The following WDR5 variants were observed in gnomAD, a reference collection of about 807,000 sequenced individuals.
WDR5 encodes WD repeat domain 5, also known as WD repeat-containing protein 5.
For synonymous variants in WDR5, 144 were observed against 161.6 expected, an observed-to-expected ratio of 0.89 and a Z score of 0.83; for missense variants, 187 against 416.9, an observed-to-expected ratio of 0.45 and a Z score of 4.80.
intron 2 of WDR5, 59 bp from the exon 3 acceptor site, chr9:134,140,644 C>T (rs1831836955): frequency 3.5e-6 from 5 of 1,432,560 alleles, no homozygotes; most frequent in South Asian, 3.4e-5. Context: ...AAAATCCAAA[C>T]TGGTCACGGG....
At chr9:134,148,399 C>T in intron 8 of WDR5, 56 bp downstream of exon 8, 1 of 1,488,392 alleles carries the variant, frequency 6.7e-7, no homozygotes, top group Non-Finnish European at 9.3e-7. Context: ...AGGGCCAGCT[C>T]TTGCACTGTT....
intron 7 of WDR5, among the ~76,000 whole-genome samples, chr9:134,145,960 A>AT (rs1832175434): frequency 7.3e-6 from 1 of 136,552 alleles, no homozygotes; most frequent in Non-Finnish European, 1.6e-5. Flanking sequence ...TTGTTTTTTA[A>AT]TATTTATTTA....
chr9:134,155,632 G>GAATT, intron 11 of WDR5, 61 bp from the exon 12 acceptor site: 1 of 1,559,504 alleles, frequency 6.4e-7, no homozygotes, highest in Non-Finnish European at 8.8e-7. Flanking sequence ...TTAGAACGTA[G>GAATT]AATTACACAA....
intron 13 of WDR5, among the ~76,000 whole-genome samples, chr9:134,156,968 C>T (rs549577685): frequency 6.6e-5 from 10 of 152,324 alleles, no homozygotes; most frequent in Admixed American, 3.9e-4. Flanking sequence ...TGGCTCCTTT[C>T]GGGTACCTGT....
chr9:134,140,727 G>T lies in WDR5; in HGVS notation c.106G>T (p.Ala36Ser). The change falls in exon 3 of 14, where the codon GCT (alanine) becomes TCT (serine). Residue 36 changes from alanine to serine, a missense_variant. By Grantham distance (99) the Ala-to-Ser change is moderately conservative. Coordinates refer to ENST00000358625, the MANE Select transcript of WDR5 (RefSeq NM_017588.3). The part of the protein sequence containing the change: ...SKPTPVKPNY[A>S]LKFTLAGHTK... ...GCCTACACCTGTGAAGCCAAACTAT[G>T]CTCTAAAGTTCACCCTTGCTGGCCA... The T allele has an allele frequency of 6.2e-7, 1 of 1,614,194 alleles. No individual in the cohort carries two copies. Among genetic ancestry groups the T allele is most frequent in the Non-Finnish European group, 8.5e-7 (1 of 1,180,034 alleles).
intron 13 of WDR5, 124 bp downstream of exon 13, chr9:134,156,717 C>A: frequency 1.1e-6 from 1 of 904,964 alleles, no homozygotes; most frequent in Non-Finnish European, 1.7e-6. Flanking sequence ...CCTCCGCTGG[C>A]CCCGCTGAGG....
intron 12 of WDR5, among the ~76,000 whole-genome samples, 200 bp from the exon 13 acceptor site, chr9:134,156,306 G>A (rs765846120): frequency 1.2e-4 from 19 of 152,238 alleles, no homozygotes; most frequent in Non-Finnish European, 2.6e-4. Flanking sequence ...CTGGGATAGA[G>A]CAGGCGGGGC....
chr9:134,155,277 T>C, intron 10 of WDR5, 63 bp from the exon 11 acceptor site: 4 of 1,488,464 alleles, frequency 2.7e-6, no homozygotes, highest in Non-Finnish European at 3.6e-6. Flanking sequence ...GGCTGCAGAG[T>C]TGGGTGTGGG....
rs1832836488 is a variant in WDR5, at chr9:134,158,159, A to G, written c.*166A>G. ...TTTGGCCGAGCGGAAGGTGTGGACCACCGGAAAGTTCTTAAAAGTTGCTGG... is the reference window on the plus strand; with the variant it reads ...TTTGGCCGAGCGGAAGGTGTGGACCGCCGGAAAGTTCTTAAAAGTTGCTGG... On this transcript the variant is annotated 3_prime_UTR_variant, in exon 14 of 14. Coordinates refer to ENST00000358625, the MANE Select transcript of WDR5 (RefSeq NM_017588.3). The G allele has an allele frequency of 1.7e-6, 1 of 598,490 alleles. No individual in the cohort carries two copies. The highest frequency in any genetic ancestry group is 1.9e-5 in the African/African-American group (1 of 53,956). 37.1% of individuals were successfully genotyped at this position (598,490 alleles called of 1,614,324 possible). A position where few individuals can be genotyped will look rare whatever the true frequency, so the allele number is the denominator to read the frequency against.
At position 134,152,039 on chromosome 9, in the gene WDR5, GCT is replaced by G. The variant is rs1372744207; in HGVS notation, c.631+13_631+14del. The G allele has an allele frequency of 6.2e-7, 1 of 1,613,668 alleles. No individual in the cohort carries two copies. Among genetic ancestry groups the G allele is most frequent in the South Asian group, 1.1e-5 (1 of 91,034 alleles). ...CTGAAGACGCTCATCGGTGAGTGTG[GCT>G]CTGTGTGGGGGCTGGGTCTGTGGGG... On this transcript the variant is annotated intron_variant, in intron 9 of 13. Transcript: ENST00000358625.
chr9:134,141,068 G>T (rs1206199493), intron 3 of WDR5, among the ~76,000 whole-genome samples: 5 of 152,182 alleles, frequency 3.3e-5, no homozygotes, highest in Non-Finnish European at 7.3e-5. Context: ...CGGATCACGA[G>T]GTCAGGAGTT....
intron 1 of WDR5, among the ~76,000 whole-genome samples, chr9:134,136,760 G>C (rs1422793534): frequency 6.6e-6 from 1 of 152,182 alleles, no homozygotes; most frequent in Non-Finnish European, 1.5e-5. Context: ...TGTCCTGGCC[G>C]GTCTGCGAGA....
At chr9:134,149,656 A>T (rs1832396338) in intron 8 of WDR5, among the ~76,000 whole-genome samples, 1 of 152,224 alleles carries the variant, frequency 6.6e-6, no homozygotes, top group South Asian at 2.1e-4. Context: ...TAAAGAAATC[A>T]GAAAAAGTAT....
At chr9:134,137,087 C>T (rs1189906796) in intron 1 of WDR5, among the ~76,000 whole-genome samples, 1 of 152,162 alleles carries the variant, frequency 6.6e-6, no homozygotes, top group Non-Finnish European at 1.5e-5. Flanking sequence ...GTATGCTTTT[C>T]TGACTGCATG....
At chr9:134,139,752 T>G (rs1831777849) in intron 1 of WDR5, 68 bp from the exon 2 acceptor site, 2 of 1,034,346 alleles carry the variant, frequency 1.9e-6, no homozygotes, top group African/African-American at 1.6e-5. Context: ...TTCATCCTTT[T>G]TCTTGGAAAT....
chr9:134,144,711 G>A lies in WDR5; in HGVS notation c.528+1992G>A, dbSNP rs550285568. Among the ~76,000 whole-genome samples, 295 of 152,140 alleles carry A rather than the reference G, an allele frequency of 1.9e-3. 1 individual carries two copies. Among genetic ancestry groups the A allele is most frequent in the Non-Finnish European group, 3.0e-3 (201 of 68,000 alleles). ...AAAAATTAGCCGGGCGTAGTGATGCGCACGTGTGGTCCCAGCTACTTGGAG... is the reference window on the plus strand; with the variant it reads ...AAAAATTAGCCGGGCGTAGTGATGCACACGTGTGGTCCCAGCTACTTGGAG... On this transcript the variant is annotated intron_variant, in intron 7 of 13. Transcript: ENST00000358625.
At chr9:134,147,514 C>T (rs1832266406) in intron 7 of WDR5, among the ~76,000 whole-genome samples, 1 of 152,162 alleles carries the variant, frequency 6.6e-6, no homozygotes, top group African/African-American at 2.4e-5. Context: ...GGCAGTACCA[C>T]CCTGTCCCCC....
chr9:134,148,352 A>T lies in WDR5; in HGVS notation c.584+9A>T. The T allele has an allele frequency of 6.2e-7, 1 of 1,612,414 alleles. No homozygotes were observed. The highest frequency in any genetic ancestry group is 8.5e-7 in the Non-Finnish European group (1 of 1,178,628). On this transcript the variant is annotated intron_variant, in intron 8 of 13. Transcript: ENST00000358625. ...AGCTATGATGGTCTCTGGTAAGTGA[A>T]AACATTTTACTTCATGAAGCGATGA...
At chr9:134,153,105 A>G (rs1241230742) in intron 9 of WDR5, among the ~76,000 whole-genome samples, 1 of 152,154 alleles carries the variant, frequency 6.6e-6, no homozygotes, top group Non-Finnish European at 1.5e-5. Context: ...TTTGCCATGC[A>G]TCTCTCCTGA....
Sources: allele counts gnomAD v4.1 joint callset (sites outside exome capture counted in the v4.1 genomes callset), GRCh38; gene constraint gnomAD v4.1.1; transcripts MANE v1.5; gene names NCBI Gene and HGNC (gene_info 2026-07-23, HGNC 2026-07-21).